The following SYCP2L variants were observed in gnomAD, a reference collection of about 807,000 sequenced individuals.
SYCP2L encodes the protein synaptonemal complex protein 2-like.
SYCP2L carries 98 observed loss-of-function variants against 125.8 expected under a neutral mutation model. The observed-to-expected ratio is 0.78, with a 90% CI of 0.66 to 0.92. The LOEUF (loss-of-function observed/expected upper bound fraction) is 0.92. SYCP2L is among the 40% of genes least tolerant of loss of function. The pLI is 0.00. For synonymous variants in SYCP2L, 317 were observed against 325.4 expected, an observed-to-expected ratio of 0.97 and a Z score of 0.28; for missense variants, 842 against 936.4, an observed-to-expected ratio of 0.90 and a Z score of 1.32.
intron 23 of SYCP2L, among the ~76,000 whole-genome samples, chr6:10,951,543 A>T (rs1416556429): frequency 6.6e-6 from 1 of 152,254 alleles, no homozygotes; most frequent in Non-Finnish European, 1.5e-5. Context: ...ATCCATTCTT[A>T]ACTGCATTAA....
rs142750542 is a variant in SYCP2L at position 10,898,558 on chromosome 6, T to C, written c.442-266T>C. ...TGTTTTATTATTAGAATATTATTAA[T>C]ATGTGATATAGTAAGAAACATATAT... On this transcript the variant is annotated intron_variant, in intron 5 of 29. Coordinates refer to ENST00000283141, the MANE Select transcript of SYCP2L (RefSeq NM_001040274.3). Among the ~76,000 whole-genome samples the C allele has an allele frequency of 5.1e-3, 772 of 152,278 alleles. 5 individuals are homozygous for C. Among genetic ancestry groups the C allele is most frequent in the Middle Eastern group, 0.014 (4 of 294 alleles).
chr6:10,918,594 T>G (rs924552088), intron 14 of SYCP2L, among the ~76,000 whole-genome samples: 1 of 151,998 alleles, frequency 6.6e-6, no homozygotes, highest in African/African-American at 2.4e-5. Context: ...TGGAGTGCAA[T>G]GGTGTGATCT....
At chr6:10,940,303 A>T (rs1314884718) in intron 21 of SYCP2L, among the ~76,000 whole-genome samples, 2 of 152,204 alleles carry the variant, frequency 1.3e-5, no homozygotes, top group Non-Finnish European at 2.9e-5. Context: ...AGAATTGTAT[A>T]GAATCCATCA....
chr6:10,915,602 T>C (rs1237549519), intron 14 of SYCP2L, among the ~76,000 whole-genome samples: 1 of 152,242 alleles, frequency 6.6e-6, no homozygotes, highest in Non-Finnish European at 1.5e-5. Flanking sequence ...TTTTTAATTC[T>C]GTTTTTGTGG....
chr6:10,969,104 A>C (rs1781726643), intron 29 of SYCP2L, among the ~76,000 whole-genome samples: 1 of 152,172 alleles, frequency 6.6e-6, no homozygotes, highest in Non-Finnish European at 1.5e-5. Context: ...TTTTATACAG[A>C]TATCCACTTG....
At position 10,938,581 on chromosome 6, in the gene SYCP2L, T is replaced by G. The variant is rs1781149334; in HGVS notation, c.1813+3394T>G. On this transcript the variant is annotated intron_variant, in intron 21 of 29. Coordinates refer to ENST00000283141, the MANE Select transcript of SYCP2L (RefSeq NM_001040274.3). ...GTTCTATCCAGGCAAGAAAAAGAAA[T>G]AAAAGACATCCAAATAGGAAGATGT... Among the ~76,000 whole-genome samples the G allele has an allele frequency of 2.6e-5, 4 of 152,252 alleles. No homozygotes were observed. The Middle Eastern group carries it at 0.01, about 388-fold the overall frequency.
At chr6:10,933,109 A>AT (rs1781027062) in intron 20 of SYCP2L, among the ~76,000 whole-genome samples, 1 of 152,168 alleles carries the variant, frequency 6.6e-6, no homozygotes, top group Non-Finnish European at 1.5e-5. Flanking sequence ...ATCTATGTTG[A>AT]TTTTCAGTGA....
At chr6:10,906,790 GA>G (rs1390922928) in intron 9 of SYCP2L, among the ~76,000 whole-genome samples, 3 of 151,220 alleles carry the variant, frequency 2.0e-5, no homozygotes, top group Non-Finnish European at 1.5e-5. Flanking sequence ...TAGAGACGGG[GA>G]TTTCACCATG....
chr6:10,965,492 C>G (rs1050392304), intron 29 of SYCP2L, among the ~76,000 whole-genome samples: 2 of 152,274 alleles, frequency 1.3e-5, no homozygotes, highest in African/African-American at 4.8e-5. Context: ...CAAGTCTTGA[C>G]AGGAACCTGG....
intron 14 of SYCP2L, among the ~76,000 whole-genome samples, chr6:10,923,683 C>CTTTTTTTT (rs372980518): frequency 3.3e-5 from 4 of 122,356 alleles, no homozygotes; most frequent in East Asian, 2.5e-4. Flanking sequence ...TTTTCTTTTT[C>CTTTTTTTT]TTTTTTTTTT....
At chr6:10,931,378 A>C in intron 19 of SYCP2L, 62 bp from the exon 20 acceptor site, 7 of 1,530,062 alleles carry the variant, frequency 4.6e-6, no homozygotes, top group Non-Finnish European at 5.4e-6. Context: ...GAGACGGAGT[A>C]GAGAATTTTT....
chr6:10,909,932 A>G (rs950458301), intron 10 of SYCP2L, among the ~76,000 whole-genome samples: 1 of 152,220 alleles, frequency 6.6e-6, no homozygotes, highest in African/African-American at 2.4e-5. Flanking sequence ...TAATGGCTGC[A>G]GGGAGCAAAG....
intron 23 of SYCP2L, 93 bp downstream of exon 23, chr6:10,942,839 A>G: frequency 8.5e-7 from 1 of 1,170,534 alleles, no homozygotes; most frequent in Non-Finnish European, 1.2e-6. Context: ...ATTGCAGATC[A>G]AGTCACTTTG....
intron 21 of SYCP2L, among the ~76,000 whole-genome samples, chr6:10,940,656 A>C (rs527269820): frequency 1.1e-3 from 164 of 152,258 alleles, no homozygotes; most frequent in African/African-American, 3.8e-3. Context: ...AGAATGGAAC[A>C]GTGGTTGCCA....
Position 10,887,076 on chromosome 6 carries a change from A to G in SYCP2L, c.-51A>G. 3 of 1,613,316 alleles carry G rather than the reference A, an allele frequency of 1.9e-6. No individual in the cohort carries two copies. The highest frequency in any genetic ancestry group is 2.5e-6 in the Non-Finnish European group (3 of 1,179,524). ...CGGGGAAGCAGGAGAGGGCCGACCG[A>G]GCGCAACAAAGCTGAGCGGCGCGTC... is the stretch of plus-strand genomic sequence containing the variant. On this transcript the variant is annotated 5_prime_UTR_variant, in exon 1 of 30. Coordinates refer to ENST00000283141, the MANE Select transcript of SYCP2L (RefSeq NM_001040274.3).
At position 10,942,731 on chromosome 6, in the gene SYCP2L, A is replaced by G. The variant is rs3798751; in HGVS notation, c.1939A>G (p.Asn647Asp). 0.062 allele frequency: 100,632 copies of G among 1,611,548 alleles called. 4,067 individuals carry two copies. Among genetic ancestry groups the G allele is most frequent in the East Asian group, 0.21 (9,250 of 44,782 alleles). ...ESTSLKHKLR[N>D]LEDKDIPEGS... Reference sequence around the variant, plus strand: ...TACTAGCTTGAAACATAAGCTGAGAAACTTGGAAGACAAAGGTAAGAGAAT... The same window carrying G: ...TACTAGCTTGAAACATAAGCTGAGAGACTTGGAAGACAAAGGTAAGAGAAT... The change falls in exon 23 of 30, where the codon AAC becomes GAC. Residue 647 changes from asparagine to aspartate, a missense_variant. By Grantham distance (23) the Asn-to-Asp change is conservative. Transcript: ENST00000283141.
chr6:10,966,227 T>C (rs1781674403), intron 29 of SYCP2L, among the ~76,000 whole-genome samples: 1 of 152,208 alleles, frequency 6.6e-6, no homozygotes, highest in Non-Finnish European at 1.5e-5. Flanking sequence ...GTGAGATTTA[T>C]TCCAGGAATG....
rs1780633249 is a variant in SYCP2L, at chr6:10,912,789, A to G, written c.1011+24A>G. ...AGGTAATGATGTTCGATTCTTGGTT[A>G]GAACTAAGCCTTTAGAGATCTTTTT... On this transcript the variant is annotated intron_variant, in intron 13 of 29. Coordinates refer to ENST00000283141, the MANE Select transcript of SYCP2L (RefSeq NM_001040274.3). The surrounding 1 kb of genome is among the most constrained non-coding windows in gnomAD (Gnocchi z 4.1). 9 of 1,608,980 alleles carry G rather than the reference A, an allele frequency of 5.6e-6. No individual in the cohort carries two copies. Among genetic ancestry groups the G allele is most frequent in the Non-Finnish European group, 7.7e-6 (9 of 1,175,822 alleles).
At chr6:10,948,767 T>G in intron 23 of SYCP2L, among the ~76,000 whole-genome samples, 1 of 152,146 alleles carries the variant, frequency 6.6e-6, no homozygotes, top group Non-Finnish European at 1.5e-5. Context: ...GAAAAGTTTA[T>G]ATATGATAAA....
Sources: allele counts gnomAD v4.1 joint callset (sites outside exome capture counted in the v4.1 genomes callset), GRCh38; gene constraint gnomAD v4.1.1; non-coding constraint Gnocchi (gnomAD v3.1); transcripts MANE v1.5; gene names NCBI Gene and HGNC (gene_info 2026-07-23, HGNC 2026-07-21).